The following PPARD variants were observed in gnomAD, a reference collection of about 807,000 sequenced individuals.
PPARD encodes the protein peroxisome proliferator-activated receptor delta.
PPARD carries 6 observed loss-of-function variants against 39.5 expected under a neutral mutation model. The observed-to-expected ratio is 0.15, with a 90% CI of 0.08 to 0.30. The LOEUF (loss-of-function observed/expected upper bound fraction) is 0.30, where lower values mean the gene tolerates loss of function less well. Among genes scored for constraint, PPARD ranks in the 10% least tolerant of loss-of-function variants. The probability of loss-of-function intolerance (pLI) is 1.00; values close to 1 mark genes in which losing one functional copy is unlikely to be tolerated. For synonymous variants in PPARD, 210 were observed against 231.3 expected, an observed-to-expected ratio of 0.91 and a Z score of 0.83; for missense variants, 397 against 596.8, an observed-to-expected ratio of 0.67 and a Z score of 3.49.
At chr6:35,396,534 A>T (rs1158878958) in intron 2 of PPARD, among the ~76,000 whole-genome samples, 3 of 79,052 alleles carry the variant, frequency 3.8e-5, no homozygotes, top group South Asian at 3.8e-4. Context: ...TGTTTTTATT[A>T]AAAAAAAAAA....
chr6:35,370,053 T>TA (rs1386031204), intron 2 of PPARD, among the ~76,000 whole-genome samples: 2 of 152,244 alleles, frequency 1.3e-5, no homozygotes, highest in Non-Finnish European at 2.9e-5. Context: ...CACTGCAGTA[T>TA]AAGGGTACCT....
intron 2 of PPARD, among the ~76,000 whole-genome samples, chr6:35,383,614 T>G: frequency 8.3e-6 from 1 of 120,172 alleles, no homozygotes; most frequent in Non-Finnish European, 1.5e-5. Flanking sequence ...CCATCACATC[T>G]AGGAAGGAGG....
At chr6:35,386,038 C>G (rs532500957) in intron 2 of PPARD, among the ~76,000 whole-genome samples, 2 of 152,070 alleles carry the variant, frequency 1.3e-5, no homozygotes, top group Non-Finnish European at 2.9e-5. Flanking sequence ...GGGCAAGTTA[C>G]CCTCCTGTCC....
rs1320256464 is a variant in PPARD, at chr6:35,363,617, G to A, written c.-102+16467G>A. 6.6e-6 allele frequency among the ~76,000 whole-genome samples: 1 copy of A among 152,086 alleles called. No homozygotes were observed. Among genetic ancestry groups the A allele is most frequent in the Non-Finnish European group, 1.5e-5 (1 of 68,018 alleles). ...CACCAGGAAAGGGTGGATCCAGTGAGGCGGGGGCCAGGCCTTGCCCAAGAG... is the reference window on the plus strand; with the variant it reads ...CACCAGGAAAGGGTGGATCCAGTGAAGCGGGGGCCAGGCCTTGCCCAAGAG... On this transcript the variant is annotated intron_variant, in intron 2 of 7. Transcript: ENST00000360694. The surrounding 1 kb of genome is among the most constrained non-coding windows in gnomAD (Gnocchi z 4.5).
At chr6:35,370,869 C>T (rs1013781950) in intron 2 of PPARD, among the ~76,000 whole-genome samples, 3 of 152,196 alleles carry the variant, frequency 2.0e-5, no homozygotes, top group African/African-American at 4.8e-5. Context: ...GGAGCTCACA[C>T]GAGCCCCATG....
intron 2 of PPARD, among the ~76,000 whole-genome samples, chr6:35,370,496 T>C (rs746943293): frequency 2.6e-5 from 4 of 152,190 alleles, no homozygotes. Flanking sequence ...GAAGAAATGC[T>C]TCCAGGAAGT....
chr6:35,377,294 C>T (rs964529351), intron 2 of PPARD, among the ~76,000 whole-genome samples: 11 of 152,058 alleles, frequency 7.2e-5, no homozygotes, highest in African/African-American at 2.4e-4. Context: ...TGTCTACGGA[C>T]GTCATTTGTT....
chr6:35,350,604 CTA>C (rs1193763124), intron 2 of PPARD, among the ~76,000 whole-genome samples: 10 of 138,864 alleles, frequency 7.2e-5, no homozygotes, highest in Admixed American at 6.5e-4. Context: ...TTCCATTGGT[CTA>C]TGTGTCTTTT....
chr6:35,383,937 T>TG (rs543733797), intron 2 of PPARD, among the ~76,000 whole-genome samples: 1,845 of 108,942 alleles, frequency 0.017, 127 homozygotes, highest in African/African-American at 0.093. Flanking sequence ...GGGAGGGAGG[T>TG]GGGGGGGGTC....
chr6:35,355,819 G>C (rs1032534052), intron 2 of PPARD, among the ~76,000 whole-genome samples: 2 of 151,542 alleles, frequency 1.3e-5, no homozygotes, highest in Non-Finnish European at 2.9e-5. Flanking sequence ...CACGGTGTTA[G>C]CCAGGATGGT....
intron 2 of PPARD, among the ~76,000 whole-genome samples, chr6:35,349,681 G>T (rs1047913035): frequency 7.3e-5 from 11 of 149,900 alleles, no homozygotes; most frequent in Non-Finnish European, 1.5e-4. Flanking sequence ...TTTTTTGTTT[G>T]TTTTTGTTTT....
chr6:35,404,953 TTGTGTGTGTGTGTGTGTGTGTGTG>T lies in PPARD; in HGVS notation c.-101-6010_-101-5987del, dbSNP rs59359748. ...GGGGGCTGCATGTGCACTGCAGGCT[TTGTGTGTGTGTGTGTGTGTGTGTG>T]TGTGTGTGTGTGTGTGTGTGTGTAC... is the stretch of plus-strand genomic sequence containing the variant. On this transcript the variant is annotated intron_variant, in intron 2 of 7. Coordinates refer to ENST00000360694, the MANE Select transcript of PPARD (RefSeq NM_006238.5). Among the ~76,000 whole-genome samples the T allele has an allele frequency of 1.1e-4, 15 of 142,132 alleles. 1 individual carries two copies. Among genetic ancestry groups the T allele is most frequent in the Non-Finnish European group, 3.1e-5 (2 of 65,382 alleles). The allele number at this position is 142,132 out of a possible 152,430, so 93.2% of individuals were successfully genotyped here. A position where few individuals can be genotyped will look rare whatever the true frequency, so the allele number is the denominator to read the frequency against.
At chr6:35,352,960 A>T (rs999865450) in intron 2 of PPARD, among the ~76,000 whole-genome samples, 1 of 152,148 alleles carries the variant, frequency 6.6e-6, no homozygotes, top group South Asian at 2.1e-4. Context: ...AGGACTACAC[A>T]AGGGTGTGAA....
chr6:35,423,054 C>CAAA (rs56317397), intron 5 of PPARD, among the ~76,000 whole-genome samples: 6,897 of 71,604 alleles, frequency 0.096, 1,075 homozygotes, highest in Non-Finnish European at 0.12. Flanking sequence ...CTCATCTCTA[C>CAAA]AAAAAAAAAA....
At chr6:35,348,929 G>A in intron 2 of PPARD, 1 of 985,428 alleles carries the variant, frequency 1.0e-6, no homozygotes, top group Non-Finnish European at 1.2e-6. Flanking sequence ...GCCAGGCCCA[G>A]TGGCAGCAAT....
intron 1 of PPARD, among the ~76,000 whole-genome samples, chr6:35,344,357 G>A (rs968380918): frequency 1.3e-5 from 2 of 152,044 alleles, no homozygotes; most frequent in Non-Finnish European, 2.9e-5. Context: ...TGGGGCTGCA[G>A]TAGTTAGACC....
chr6:35,351,447 T>G (rs1761244488), intron 2 of PPARD, among the ~76,000 whole-genome samples: 1 of 152,228 alleles, frequency 6.6e-6, no homozygotes, highest in Non-Finnish European at 1.5e-5. Flanking sequence ...AAAAAGTCTT[T>G]AAGTATTGGG....
chr6:35,407,766 T>C (rs1365810088), intron 2 of PPARD, among the ~76,000 whole-genome samples: 2 of 149,828 alleles, frequency 1.3e-5, no homozygotes, highest in Non-Finnish European at 3.0e-5. Context: ...GAATATATTA[T>C]AAAAATAAAA....
intron 2 of PPARD, among the ~76,000 whole-genome samples, chr6:35,374,535 G>A (rs923463511): frequency 6.6e-6 from 1 of 151,664 alleles, no homozygotes; most frequent in Non-Finnish European, 1.5e-5. Flanking sequence ...GCAGGCACCT[G>A]TAGTCCCAGC....
Sources: gnomAD v4.1 joint callset for allele counts (sites outside exome capture counted in the v4.1 genomes callset) on GRCh38, gnomAD v4.1.1 for gene constraint, Gnocchi (gnomAD v3.1) non-coding constraint, MANE v1.5 for transcripts, NCBI Gene and HGNC (gene_info 2026-07-23, HGNC 2026-07-21) for gene names.